KHDRBS2: variants seen among roughly 807,000 people sequenced by gnomAD.
KHDRBS2 encodes the protein KH domain-containing, RNA-binding, signal transduction-associated protein 2.
KHDRBS2 carries 26 observed loss-of-function variants against 44.3 expected under a neutral mutation model. The observed-to-expected ratio is 0.59, with a 90% CI of 0.43 to 0.81. KHDRBS2 has a LOEUF of 0.81. Ranked by LOEUF, KHDRBS2 falls within the 40% of genes least tolerant of loss-of-function variation. KHDRBS2 has a pLI of 0.00. For missense variants in KHDRBS2, 476 were observed against 433.1 expected (o/e 1.10, Z -0.88); for synonymous variants, 194 against 151.1 (o/e 1.28, Z -2.08).
intron 4 of KHDRBS2, among the ~76,000 whole-genome samples, chr6:61,961,509 T>C (rs1243442625): frequency 6.6e-6 from 1 of 151,386 alleles, no homozygotes; most frequent in Non-Finnish European, 1.5e-5. Context: ...GCAAGGGGAA[T>C]GAGGAGTGCT....
At chr6:61,929,486 G>GC (rs1054631886) in intron 4 of KHDRBS2, among the ~76,000 whole-genome samples, 7 of 152,090 alleles carry the variant, frequency 4.6e-5, no homozygotes, top group Non-Finnish European at 8.8e-5. Flanking sequence ...CTGCCCAAAG[G>GC]CCGTTCCACC....
the KHDRBS2 span, among the ~76,000 whole-genome samples, chr6:61,555,742 G>A: frequency 6.6e-6 from 1 of 152,162 alleles, no homozygotes; most frequent in African/African-American, 2.4e-5. Context: ...GCATAAGGTG[G>A]GTTCAGTTGA....
At chr6:62,065,493 T>C (rs1793399385) in intron 2 of KHDRBS2, among the ~76,000 whole-genome samples, 1 of 151,390 alleles carries the variant, frequency 6.6e-6, no homozygotes, top group Admixed American at 6.6e-5. Flanking sequence ...GGGACATGGA[T>C]GAAATTGGAA....
chr6:61,926,651 C>T (rs1423769491), intron 4 of KHDRBS2, among the ~76,000 whole-genome samples: 3 of 152,096 alleles, frequency 2.0e-5, no homozygotes, highest in African/African-American at 4.8e-5. Flanking sequence ...TGTTAGTGAG[C>T]AGCAGGGATT....
chr6:62,105,097 T>A (rs1277694342), intron 2 of KHDRBS2, among the ~76,000 whole-genome samples: 3 of 152,254 alleles, frequency 2.0e-5, no homozygotes, highest in Non-Finnish European at 2.9e-5. Flanking sequence ...AAAATGATCA[T>A]TTGTACAGTC....
At chr6:62,158,596 A>T (rs1229835671) in intron 2 of KHDRBS2, among the ~76,000 whole-genome samples, 1 of 152,122 alleles carries the variant, frequency 6.6e-6, no homozygotes, top group Admixed American at 6.5e-5. Flanking sequence ...ATTTCTTTCC[A>T]GAGAGAAACT....
chr6:62,214,842 C>A (rs1304162265), intron 1 of KHDRBS2, among the ~76,000 whole-genome samples: 1 of 151,940 alleles, frequency 6.6e-6, no homozygotes, highest in African/African-American at 2.4e-5. Context: ...AATCAATTTT[C>A]CTTTATTTCT....
chr6:62,061,720 T>G (rs1488169528), intron 2 of KHDRBS2, among the ~76,000 whole-genome samples: 2 of 150,780 alleles, frequency 1.3e-5, no homozygotes, highest in African/African-American at 4.9e-5. Flanking sequence ...AACGTTGGCC[T>G]GCCTTGCTAG....
chr6:61,906,036 C>G (rs1240055412), intron 4 of KHDRBS2, among the ~76,000 whole-genome samples: 1 of 151,628 alleles, frequency 6.6e-6, no homozygotes, highest in Admixed American at 6.6e-5. Context: ...TTAGTAGAGA[C>G]GGGGTTCCAC....
intron 8 of KHDRBS2, among the ~76,000 whole-genome samples, chr6:61,686,095 C>T (rs1441719891): frequency 6.6e-6 from 1 of 151,700 alleles, no homozygotes; most frequent in East Asian, 1.9e-4. Context: ...TGAGTGCAGT[C>T]ATGATACTCT....
chr6:61,929,094 G>A (rs1809517879), intron 4 of KHDRBS2, among the ~76,000 whole-genome samples: 1 of 152,104 alleles, frequency 6.6e-6, no homozygotes, highest in Non-Finnish European at 1.5e-5. Context: ...AATTGGGCAA[G>A]GAAGTACAAT....
intron 6 of KHDRBS2, among the ~76,000 whole-genome samples, chr6:61,781,522 C>T (rs1227478454): frequency 6.6e-6 from 1 of 152,134 alleles, no homozygotes; most frequent in Non-Finnish European, 1.5e-5. Flanking sequence ...AGCATTTCCC[C>T]ATTAGAAATC....
At chr6:61,933,892 A>T (rs537752702) in intron 4 of KHDRBS2, among the ~76,000 whole-genome samples, 2 of 152,218 alleles carry the variant, frequency 1.3e-5, no homozygotes, top group South Asian at 4.1e-4. Flanking sequence ...TGCCATAAGG[A>T]CTGTACTAAT....
chr6:62,251,266 T>C (rs372688572), intron 1 of KHDRBS2, among the ~76,000 whole-genome samples: 6 of 152,004 alleles, frequency 3.9e-5, no homozygotes, highest in African/African-American at 7.2e-5. Context: ...AAAGTCATGA[T>C]GAACACTGCC....
intron 1 of KHDRBS2, among the ~76,000 whole-genome samples, chr6:62,284,678 T>C (rs1842234744): frequency 6.6e-6 from 1 of 152,170 alleles, no homozygotes. Context: ...GTTTTGAATA[T>C]AAATCTTTTC....
intron 4 of KHDRBS2, among the ~76,000 whole-genome samples, chr6:61,917,340 C>G (rs1485636627): frequency 6.6e-6 from 1 of 151,786 alleles, no homozygotes; most frequent in Admixed American, 6.6e-5. Flanking sequence ...CTCAAATGTA[C>G]TTAAATGTAT....
intron 7 of KHDRBS2, among the ~76,000 whole-genome samples, chr6:61,705,173 T>C (rs1252520404): frequency 6.6e-6 from 1 of 151,838 alleles, no homozygotes; most frequent in Non-Finnish European, 1.5e-5. Flanking sequence ...GCCAAAATTT[T>C]AATAACATCT....
chr6:61,770,593 A>T (rs1283597259), intron 6 of KHDRBS2, among the ~76,000 whole-genome samples: 2 of 152,226 alleles, frequency 1.3e-5, no homozygotes, highest in African/African-American at 4.8e-5. Context: ...TCAGTGATGG[A>T]AGACGAAATG....
Position 61,896,773 on chromosome 6 carries a change from CCT to C in KHDRBS2, c.612-1942_612-1941del, listed in dbSNP as rs139846396. On this transcript the variant is annotated intron_variant, in intron 5 of 8. Coordinates refer to ENST00000281156, the MANE Select transcript of KHDRBS2 (RefSeq NM_152688.4). ...TATCAGTCTAGTTCTTGCTTTCACC[CCT>C]CTGTTGAAAATGCTCTTGGCTGAGA... Among the ~76,000 whole-genome samples, 10 of 152,262 alleles carry C rather than the reference CCT, an allele frequency of 6.6e-5. No individual in the cohort carries two copies. In the East Asian group the frequency reaches 1.5e-3, roughly 24 times the overall value.
Sources: gnomAD v4.1 joint callset for allele counts (sites outside exome capture counted in the v4.1 genomes callset) on GRCh38, gnomAD v4.1.1 for gene constraint, MANE v1.5 for transcripts, NCBI Gene and HGNC (gene_info 2026-07-23, HGNC 2026-07-21) for gene names.